KCNB2: variants seen among roughly 807,000 people sequenced by gnomAD.
KCNB2 encodes the protein potassium voltage-gated channel subfamily B member 2, also known as delayed rectifier potassium channel protein.
KCNB2 carries 15 observed loss-of-function variants against 61.5 expected under a neutral mutation model. The ratio of observed to expected loss-of-function variants is 0.24; its 90% CI spans 0.16 to 0.38. The LOEUF is 0.38. Among genes scored for constraint, KCNB2 ranks in the 10% least tolerant of loss-of-function variants. The pLI, the probability that KCNB2 is intolerant of heterozygous loss-of-function variation, is 1.00. For synonymous variants in KCNB2, 457 were observed against 446.0 expected (o/e 1.02, Z -0.31); for missense variants, 828 against 1,125.2 (o/e 0.74, Z 3.78).
At position 72,797,750 on chromosome 8, in the gene KCNB2, C is replaced by T. The variant is rs546406925; in HGVS notation, c.580-138185C>T. On this transcript the variant is annotated intron_variant, in intron 2 of 2. Coordinates refer to ENST00000523207, the MANE Select transcript of KCNB2 (RefSeq NM_004770.3). ...TGGCCTGAACTAGATTATGATTATG[C>T]CCACTGCTGTGAATACATGACAACT... is the stretch of plus-strand genomic sequence containing the variant. Among the ~76,000 whole-genome samples, 3 of 152,240 alleles carry T rather than the reference C, an allele frequency of 2.0e-5. No homozygotes were observed. The South Asian group carries it at 6.2e-4, about 32-fold the overall frequency.
At chr8:72,618,489 A>G (rs1448111186) in intron 2 of KCNB2, among the ~76,000 whole-genome samples, 2 of 152,206 alleles carry the variant, frequency 1.3e-5, no homozygotes, top group African/African-American at 4.8e-5. Context: ...TAGTGAAAGA[A>G]TTTTAGTTAC....
chr8:72,667,815 T>C (rs1012850092), intron 2 of KCNB2, among the ~76,000 whole-genome samples: 21 of 152,176 alleles, frequency 1.4e-4, no homozygotes, highest in Non-Finnish European at 2.9e-4. Flanking sequence ...CCCTCTTACT[T>C]AAAACCCATT....
At chr8:72,690,714 C>T (rs1481643889) in intron 2 of KCNB2, among the ~76,000 whole-genome samples, 4 of 152,198 alleles carry the variant, frequency 2.6e-5, no homozygotes, top group African/African-American at 9.7e-5. Context: ...CATAGCTATA[C>T]TTCTTTAACT....
intron 2 of KCNB2, among the ~76,000 whole-genome samples, chr8:72,713,754 T>C (rs897733661): frequency 1.3e-5 from 2 of 151,972 alleles, no homozygotes; most frequent in Admixed American, 6.6e-5. Context: ...TCAGAGTGCC[T>C]CTCCTCCTCC....
At chr8:72,652,381 T>TG (rs1806225976) in intron 2 of KCNB2, among the ~76,000 whole-genome samples, 1 of 152,076 alleles carries the variant, frequency 6.6e-6, no homozygotes, top group African/African-American at 2.4e-5. Context: ...TCTAGACTAC[T>TG]GCAAGAGCTA....
At chr8:72,850,243 A>G (rs1187960836) in intron 2 of KCNB2, among the ~76,000 whole-genome samples, 1 of 144,124 alleles carries the variant, frequency 6.9e-6, no homozygotes, top group Non-Finnish European at 1.5e-5. Flanking sequence ...GTGTGTAAAT[A>G]GAGTCTCACT....
chr8:72,773,150 G>A lies in KCNB2; in HGVS notation c.580-162785G>A, dbSNP rs569491094. Among the ~76,000 whole-genome samples the A allele has an allele frequency of 1.5e-4, 23 of 152,220 alleles. No individual in the cohort carries two copies. The Middle Eastern group carries it at 0.014, about 90-fold the overall frequency. On this transcript the variant is annotated intron_variant, in intron 2 of 2. Coordinates refer to ENST00000523207, the MANE Select transcript of KCNB2 (RefSeq NM_004770.3). ...ACAGCATTAGCATCTTTCTTGGCCC[G>A]GTCATGTTCTAGACAGCACTGCTTA... is the stretch of plus-strand genomic sequence containing the variant.
intron 2 of KCNB2, among the ~76,000 whole-genome samples, chr8:72,801,987 T>C (rs1173209366): frequency 6.6e-6 from 1 of 152,228 alleles, no homozygotes; most frequent in Non-Finnish European, 1.5e-5. Flanking sequence ...CTGATTTCCT[T>C]ATCAAACCTC....
chr8:72,786,731 A>C (rs1025109786), intron 2 of KCNB2, among the ~76,000 whole-genome samples: 1 of 152,192 alleles, frequency 6.6e-6, no homozygotes, highest in Non-Finnish European at 1.5e-5. Context: ...GATTTGCTTA[A>C]TTCTGAATAT....
At chr8:72,719,374 C>T (rs946478940) in intron 2 of KCNB2, among the ~76,000 whole-genome samples, 1 of 152,074 alleles carries the variant, frequency 6.6e-6, no homozygotes, top group African/African-American at 2.4e-5. Context: ...TTCTTGGGGA[C>T]AACAAGCATA....
At chr8:72,839,252 A>G (rs1231977186) in intron 2 of KCNB2, among the ~76,000 whole-genome samples, 1 of 152,158 alleles carries the variant, frequency 6.6e-6, no homozygotes, top group Non-Finnish European at 1.5e-5. Flanking sequence ...CTTATTTTTA[A>G]TATTAAATGA....
intron 2 of KCNB2, among the ~76,000 whole-genome samples, chr8:72,712,553 A>G (rs1039557749): frequency 6.6e-5 from 10 of 152,344 alleles, no homozygotes; most frequent in African/African-American, 2.4e-4. Context: ...ATTAAATGCC[A>G]CAGTCAGTGG....
chr8:72,555,748 A>C (rs1224774808), intron 1 of KCNB2, among the ~76,000 whole-genome samples: 3 of 118,346 alleles, frequency 2.5e-5, no homozygotes, highest in Non-Finnish European at 5.5e-5. Context: ...TTTTCTTTTT[A>C]TTTTATTTTA....
At chr8:72,709,712 C>T (rs889589313) in intron 2 of KCNB2, among the ~76,000 whole-genome samples, 2 of 152,056 alleles carry the variant, frequency 1.3e-5, no homozygotes, top group Non-Finnish European at 2.9e-5. Context: ...CCACCAGGCC[C>T]CACCTGCAGC....
At chr8:72,891,175 G>A (rs1456797006) in intron 2 of KCNB2, among the ~76,000 whole-genome samples, 1 of 152,238 alleles carries the variant, frequency 6.6e-6, no homozygotes, top group African/African-American at 2.4e-5. Context: ...AATATTAATG[G>A]TTCTAAAACC....
chr8:72,898,497 T>C (rs1421651951), intron 2 of KCNB2, among the ~76,000 whole-genome samples: 1 of 152,094 alleles, frequency 6.6e-6, no homozygotes, highest in East Asian at 1.9e-4. Context: ...TCTGAAATAG[T>C]CCCTGGACTG....
chr8:72,829,797 CA>C (rs911721676), intron 2 of KCNB2, among the ~76,000 whole-genome samples: 15 of 150,910 alleles, frequency 9.9e-5, no homozygotes, highest in South Asian at 4.2e-4. Context: ...TGAAATAAGC[CA>C]AAAAAAATGT....
chr8:72,866,005 C>T (rs1805510010), intron 2 of KCNB2, among the ~76,000 whole-genome samples: 1 of 152,176 alleles, frequency 6.6e-6, no homozygotes, highest in African/African-American at 2.4e-5. Context: ...ACAAGACCTG[C>T]CCCATTGTGG....
At chr8:72,748,099 G>T (rs2128995304) in intron 2 of KCNB2, among the ~76,000 whole-genome samples, 1 of 152,268 alleles carries the variant, frequency 6.6e-6, no homozygotes, top group Non-Finnish European at 1.5e-5. Flanking sequence ...GGCAAAGAAG[G>T]AGTAAATAAG....
Sources: gnomAD v4.1 joint callset for allele counts (sites outside exome capture counted in the v4.1 genomes callset) on GRCh38, gnomAD v4.1.1 for gene constraint, MANE v1.5 for transcripts, NCBI Gene and HGNC (gene_info 2026-07-23, HGNC 2026-07-21) for gene names.